TBCCD1: variants seen among roughly 807,000 people sequenced by gnomAD.
The protein encoded by TBCCD1 is TBCC domain containing 1, also known as TBCC domain-containing protein 1.
A neutral mutation model predicts 53.4 loss-of-function variants in TBCCD1; 26 were observed. That is an observed-to-expected ratio of 0.49 (90% CI 0.36 to 0.68). The LOEUF is 0.68. TBCCD1 is among the 30% of genes least tolerant of loss of function. The pLI is 0.00. For missense variants in TBCCD1, 558 were observed against 669.5 expected (o/e 0.83, Z 1.84); for synonymous variants, 245 against 241.7 (o/e 1.01, Z -0.13).
intron 7 of TBCCD1, among the ~76,000 whole-genome samples, chr3:186,549,889 A>G (rs192568902): frequency 1.3e-5 from 2 of 152,254 alleles, no homozygotes; most frequent in East Asian, 3.9e-4. Flanking sequence ...TTTTCTGTGA[A>G]CTATCTATTA....
At chr3:186,568,915 GAAATA>G (rs1213538695), upstream of TBCCD1, among the ~76,000 whole-genome samples, 2 of 137,642 alleles carry the variant, frequency 1.5e-5, no homozygotes, top group African/African-American at 5.7e-5. Flanking sequence ...GAAAAAAAAA[GAAATA>G]AAGAAAAGAA....
intron 4 of TBCCD1, among the ~76,000 whole-genome samples, chr3:186,555,669 C>T (rs1268121716): frequency 6.6e-6 from 1 of 152,130 alleles, no homozygotes. Flanking sequence ...AGAGATTCTC[C>T]TGCCTCAGCG....
intron 1 of TBCCD1, among the ~76,000 whole-genome samples, chr3:186,565,102 T>C (rs1200414750): frequency 2.0e-4 from 29 of 145,262 alleles, no homozygotes; most frequent in Admixed American, 2.0e-3. Flanking sequence ...ATTTCCTTCT[T>C]CTTCTTCTTT....
intron 5 of TBCCD1, 54 bp from the exon 6 acceptor site, chr3:186,554,805 G>A: frequency 6.3e-7 from 1 of 1,591,448 alleles, no homozygotes; most frequent in Non-Finnish European, 8.5e-7. Context: ...TTAAAAATTT[G>A]ACTAAAATAT....
chr3:186,569,176 T>A (rs76258997), upstream of TBCCD1, among the ~76,000 whole-genome samples: 1,431 of 152,070 alleles, frequency 9.4e-3, 19 homozygotes, highest in African/African-American at 0.032. Flanking sequence ...TGGAGCATGG[T>A]TAGGAGTATA....
At chr3:186,568,638 T>G (rs1270603656), upstream of TBCCD1, among the ~76,000 whole-genome samples, 1 of 152,082 alleles carries the variant, frequency 6.6e-6, no homozygotes, top group Non-Finnish European at 1.5e-5. Flanking sequence ...TGGTGGCTCA[T>G]GCCTATAATC....
At chr3:186,549,696 G>T (rs1714315076) in intron 7 of TBCCD1, among the ~76,000 whole-genome samples, 1 of 152,116 alleles carries the variant, frequency 6.6e-6, no homozygotes, top group Non-Finnish European at 1.5e-5. Context: ...GAGAAAATTT[G>T]TATTTTTAAT....
chr3:186,554,814 A>G, intron 5 of TBCCD1, 63 bp from the exon 6 acceptor site: 4 of 1,594,014 alleles, frequency 2.5e-6, no homozygotes, highest in Non-Finnish European at 2.6e-6. Context: ...TGACTAAAAT[A>G]TTATTATCTG....
At chr3:186,569,065 G>C (rs1714925883), upstream of TBCCD1, among the ~76,000 whole-genome samples, 1 of 152,062 alleles carries the variant, frequency 6.6e-6, no homozygotes, top group Admixed American at 6.6e-5. Flanking sequence ...TAGCACATGA[G>C]GGAGAGTACA....
intron 2 of TBCCD1, 103 bp from the exon 3 acceptor site, chr3:186,558,675 A>G: frequency 7.8e-7 from 1 of 1,278,148 alleles, no homozygotes; most frequent in Non-Finnish European, 1.1e-6. Flanking sequence ...CTGATCCTAA[A>G]AAAACCAACT....
intron 2 of TBCCD1, among the ~76,000 whole-genome samples, chr3:186,561,555 C>T (rs573233448): frequency 3.3e-5 from 5 of 152,144 alleles, no homozygotes; most frequent in Admixed American, 6.5e-5. Flanking sequence ...TTTGGGAGGC[C>T]GAGGCAGGCG....
At chr3:186,565,790 G>A (rs771418674) in intron 1 of TBCCD1, among the ~76,000 whole-genome samples, 1 of 152,174 alleles carries the variant, frequency 6.6e-6, no homozygotes, top group Non-Finnish European at 1.5e-5. Flanking sequence ...ATTTTCAGAT[G>A]TACTTTTGTG....
At chr3:186,548,821 G>C (rs567034329) in intron 7 of TBCCD1, among the ~76,000 whole-genome samples, 1 of 151,940 alleles carries the variant, frequency 6.6e-6, no homozygotes, top group East Asian at 1.9e-4. Flanking sequence ...ACAATACTGT[G>C]TGATCTTGAA....
Position 186,546,277 on chromosome 3 carries a change from T to G in TBCCD1, c.*700A>C, listed in dbSNP as rs1483050914. 2 of 152,178 alleles carry G rather than the reference T, an allele frequency of 1.3e-5. No individual in the cohort carries two copies. Among genetic ancestry groups the G allele is most frequent in the African/African-American group, 4.8e-5 (2 of 41,442 alleles). The allele number at this position is 152,178 out of a possible 1,614,324, so 9.4% of individuals were successfully genotyped here. Reference sequence around the variant, plus strand: ...AAATAGTTACAAAGAACTATAAAACTCTTATTTAACTCTAGAAAGAATAAA... The same window carrying G: ...AAATAGTTACAAAGAACTATAAAACGCTTATTTAACTCTAGAAAGAATAAA... On this transcript the variant is annotated 3_prime_UTR_variant, in exon 8 of 8. Coordinates refer to ENST00000338733, the MANE Select transcript of TBCCD1 (RefSeq NM_018138.5).
rs779756615 is a variant in TBCCD1 at position 186,556,554 on chromosome 3, C to T, written c.714G>A (p.Leu238=). 3.2e-5 allele frequency: 51 copies of T among 1,613,884 alleles called. 1 individual carries two copies. The Admixed American group carries it at 8.0e-4, about 25-fold the overall frequency. ...PLHELALWQP[L]HADSGFSKIS... ...TCTTTGAGAAGCCACTATCTGCATG[C>T]AGTGGTTGCCACAGTGCAAGTTCAT... Residue 238 remains leucine (L), a synonymous_variant, in exon 4 of 8, where the codon CTG becomes CTA. Coordinates refer to ENST00000338733, the MANE Select transcript of TBCCD1 (RefSeq NM_018138.5).
At chr3:186,560,210 C>A (rs1714655780) in intron 2 of TBCCD1, among the ~76,000 whole-genome samples, 1 of 151,890 alleles carries the variant, frequency 6.6e-6, no homozygotes. Context: ...AAAAAGCACT[C>A]AAAAAATCTG....
At chr3:186,568,868 T>C (rs1451933366), upstream of TBCCD1, among the ~76,000 whole-genome samples, 1 of 147,996 alleles carries the variant, frequency 6.8e-6, no homozygotes, top group Non-Finnish European at 1.5e-5. Flanking sequence ...ACGCTACTGC[T>C]CTCCAGCCTG....
At chr3:186,557,239 G>T (rs754577962) in intron 3 of TBCCD1, among the ~76,000 whole-genome samples, 2 of 152,330 alleles carry the variant, frequency 1.3e-5, no homozygotes, top group East Asian at 3.9e-4. Context: ...TATTACTGAA[G>T]TCTCATAGTC....
Position 186,556,638 on chromosome 3 carries a change from C to T in TBCCD1, c.630G>A (p.Val210=). ...TACCTTCAATAAGGAAGCTGAGCGC[C>T]ACAACAGCTTCTCGAGACACTAGAC... The part of the protein sequence containing the change: ...HSSLVSREAV[V]ALSFLIEGTI... The change falls in exon 4 of 8, where the codon GTG becomes GTA. Residue 210 remains valine, a synonymous_variant. Transcript: ENST00000338733. The T allele has an allele frequency of 6.2e-7, 1 of 1,614,080 alleles. No individual in the cohort carries two copies. Among genetic ancestry groups the T allele is most frequent in the Non-Finnish European group, 8.5e-7 (1 of 1,180,026 alleles).
Sources: allele counts gnomAD v4.1 joint callset (sites outside exome capture counted in the v4.1 genomes callset), GRCh38; gene constraint gnomAD v4.1.1; transcripts MANE v1.5; gene names NCBI Gene and HGNC (gene_info 2026-07-23, HGNC 2026-07-21).